TMCO4: variants seen among roughly 807,000 people sequenced by gnomAD.
TMCO4 encodes the protein transmembrane and coiled-coil domains 4, also known as transmembrane and coiled-coil domain-containing protein 4.
A neutral mutation model predicts 64.7 loss-of-function variants in TMCO4; 58 were observed. The observed-to-expected ratio is 0.90, with a 90% CI of 0.73 to 1.12. The LOEUF (loss-of-function observed/expected upper bound fraction) is 1.12. Ranked by LOEUF, TMCO4 falls within the 50% of genes most tolerant of loss-of-function variation. The pLI is 0.00. For synonymous variants in TMCO4, 325 were observed against 346.1 expected (o/e 0.94, Z 0.68); for missense variants, 780 against 825.9 (o/e 0.94, Z 0.68).
intron 13 of TMCO4, among the ~76,000 whole-genome samples, chr1:19,719,369 T>C (rs923933906): frequency 1.3e-5 from 2 of 152,164 alleles, no homozygotes; most frequent in African/African-American, 4.8e-5. Context: ...ACAGGAGAAA[T>C]ATGCAGTCAA....
At chr1:19,776,899 C>A (rs574437723) in intron 4 of TMCO4, among the ~76,000 whole-genome samples, 1 of 151,898 alleles carries the variant, frequency 6.6e-6, no homozygotes, top group Non-Finnish European at 1.5e-5. Context: ...TGGTGGCGTG[C>A]GCCTGTAATC....
chr1:19,778,244 A>ATATTTATT lies in TMCO4; in HGVS notation c.179+2328_179+2335dup, dbSNP rs142603109. Among the ~76,000 whole-genome samples the ATATTTATT allele has an allele frequency of 1.5e-3, 214 of 146,366 alleles. 1 individual carries two copies. The highest frequency in any genetic ancestry group is 1.6e-3 in the Non-Finnish European group (109 of 66,714). ...CTTTGTCTACATCATCTCATTATTT[A>ATATTTATT]TATTTATTTATTTATTTATTTATTT... On this transcript the variant is annotated intron_variant, in intron 4 of 15. Coordinates refer to ENST00000294543, the MANE Select transcript of TMCO4 (RefSeq NM_181719.7).
At chr1:19,717,117 C>T (rs1381225799) in intron 13 of TMCO4, among the ~76,000 whole-genome samples, 1 of 152,164 alleles carries the variant, frequency 6.6e-6, no homozygotes, top group Non-Finnish European at 1.5e-5. Flanking sequence ...ACTTGGGAGG[C>T]AGAGGTTGCA....
intron 13 of TMCO4, among the ~76,000 whole-genome samples, chr1:19,708,046 A>T (rs771906067): frequency 1.2e-4 from 18 of 152,164 alleles, no homozygotes; most frequent in Non-Finnish European, 2.1e-4. Context: ...ACAACGCCAC[A>T]TGAGATTTGG....
chr1:19,753,983 T>A (rs971497756), intron 7 of TMCO4, among the ~76,000 whole-genome samples: 6 of 152,174 alleles, frequency 3.9e-5, no homozygotes, highest in Non-Finnish European at 8.8e-5. Flanking sequence ...TGTCCCAGGC[T>A]CACTTGAAAC....
intron 4 of TMCO4, among the ~76,000 whole-genome samples, chr1:19,778,634 T>G (rs376253473): frequency 2.0e-5 from 3 of 152,084 alleles, no homozygotes; most frequent in East Asian, 3.8e-4. Context: ...TACAGATAAA[T>G]AAACTGAGGC....
Position 19,739,819 on chromosome 1 carries a change from G to A in TMCO4, c.1179+5C>T. The stretch of plus-strand genomic sequence containing the variant: ...TGCCACGCCCACACAGCCATTCCCA[G>A]GTACCTGCTGCCGGGAGAGCAGGAT... On this transcript the variant is annotated splice_donor_5th_base_variant and intron_variant, in intron 12 of 15. Coordinates refer to ENST00000294543, the MANE Select transcript of TMCO4 (RefSeq NM_181719.7). 1.2e-6 allele frequency: 2 copies of A among 1,612,392 alleles called. No homozygotes were observed. The highest frequency in any genetic ancestry group is 1.7e-6 in the Non-Finnish European group (2 of 1,179,378).
chr1:19,696,585 A>G (rs139701795), intron 14 of TMCO4, among the ~76,000 whole-genome samples: 1 of 151,484 alleles, frequency 6.6e-6, no homozygotes, highest in African/African-American at 2.4e-5. Flanking sequence ...AATAAAAAAA[A>G]TTAAAAAAAA....
chr1:19,793,755 T>C (rs80135583), intron 2 of TMCO4, among the ~76,000 whole-genome samples: 7,215 of 152,286 alleles, frequency 0.047, 190 homozygotes, highest in Non-Finnish European at 0.064. Flanking sequence ...GACAGTGCCA[T>C]TGGGGTGGAT....
intron 14 of TMCO4, 40 bp from the exon 15 acceptor site, chr1:19,694,591 C>G: frequency 3.1e-6 from 5 of 1,591,154 alleles, no homozygotes; most frequent in Non-Finnish European, 4.3e-6. Context: ...TTAGCACCAG[C>G]CTCGGACAGC....
At position 19,711,113 on chromosome 1, in the gene TMCO4, G is replaced by A. The variant is rs75622835; in HGVS notation, c.1265-10228C>T. 4.2e-3 allele frequency among the ~76,000 whole-genome samples: 640 copies of A among 152,282 alleles called. 7 individuals are homozygous for A. The highest frequency in any genetic ancestry group is 0.015 in the African/African-American group (609 of 41,550). On this transcript the variant is annotated intron_variant, in intron 13 of 15. Transcript: ENST00000294543. The stretch of plus-strand genomic sequence containing the variant: ...ATATAGCTGCTGGTAAGCTGCAGGC[G>A]GTGAGCCAGTAGAGAACAAGAAGTT...
At chr1:19,711,453 C>T (rs1317718147) in intron 13 of TMCO4, among the ~76,000 whole-genome samples, 1 of 152,178 alleles carries the variant, frequency 6.6e-6, no homozygotes, top group Non-Finnish European at 1.5e-5. Flanking sequence ...TGTGATGTTT[C>T]CTTTCACTTG....
chr1:19,783,666 C>T (rs991414189), intron 3 of TMCO4, among the ~76,000 whole-genome samples: 1 of 152,172 alleles, frequency 6.6e-6, no homozygotes, highest in Non-Finnish European at 1.5e-5. Flanking sequence ...CTCTTACAAC[C>T]GAGGAACAGG....
At position 19,700,749 on chromosome 1, in the gene TMCO4, G is replaced by C. The variant is rs1343891980; in HGVS notation, c.1382+19C>G. On this transcript the variant is annotated intron_variant, in intron 14 of 15. Transcript: ENST00000294543. ...CGTAAGCATTGTCACTTCCCCGCTG[G>C]CACGAGGTTTGGACAGACCTGCAGT... 1.2e-6 allele frequency: 2 copies of C among 1,601,578 alleles called. No homozygotes were observed. The highest frequency in any genetic ancestry group is 4.5e-5 in the East Asian group (2 of 44,772).
At chr1:19,783,943 T>C (rs12140071) in intron 3 of TMCO4, among the ~76,000 whole-genome samples, 8,447 of 152,208 alleles carry the variant, frequency 0.055, 323 homozygotes, top group South Asian at 0.085. Flanking sequence ...CAGACCATGG[T>C]GGTGGGAACA....
At chr1:19,777,647 G>A (rs1029520203) in intron 4 of TMCO4, among the ~76,000 whole-genome samples, 2 of 152,098 alleles carry the variant, frequency 1.3e-5, no homozygotes, top group African/African-American at 2.4e-5. Flanking sequence ...TGCGCCCAGC[G>A]CCAAAAACCT....
At chr1:19,761,430 A>G (rs938156567) in intron 6 of TMCO4, among the ~76,000 whole-genome samples, 1 of 152,232 alleles carries the variant, frequency 6.6e-6, no homozygotes, top group Non-Finnish European at 1.5e-5. Flanking sequence ...GCCCAGGCCC[A>G]GACTTTTGGA....
intron 2 of TMCO4, among the ~76,000 whole-genome samples, chr1:19,793,270 T>G (rs1033509865): frequency 2.0e-5 from 3 of 152,050 alleles, no homozygotes; most frequent in Non-Finnish European, 4.4e-5. Flanking sequence ...AATAGGGAGA[T>G]GGCTACAGCG....
intron 15 of TMCO4, among the ~76,000 whole-genome samples, chr1:19,685,195 G>A (rs1475065371): frequency 3.3e-5 from 5 of 152,290 alleles, no homozygotes; most frequent in South Asian, 4.1e-4. Context: ...GCATGGTGGC[G>A]TGTGCCTGTA....
Sources: allele counts gnomAD v4.1 joint callset (sites outside exome capture counted in the v4.1 genomes callset), GRCh38; gene constraint gnomAD v4.1.1; transcripts MANE v1.5; gene names NCBI Gene and HGNC (gene_info 2026-07-23, HGNC 2026-07-21).